Variants in SAMMSON observed in about 807,000 individuals in gnomAD.
SAMMSON encodes long intergenic non-protein coding RNA 1212.
At chr3:70,138,610 G>A (rs2067515649) in intron 4 of SAMMSON, among the ~76,000 whole-genome samples, 1 of 152,114 alleles carries the variant, frequency 6.6e-6, no homozygotes, top group South Asian at 2.1e-4. Context: ...TTCTGCTTTT[G>A]TTCTCCCCAA....
intron 9 of SAMMSON, among the ~76,000 whole-genome samples, chr3:70,379,272 G>A (rs1228786154): frequency 1.3e-5 from 2 of 152,050 alleles, no homozygotes; most frequent in African/African-American, 2.4e-5. Flanking sequence ...TCGGCCTCCC[G>A]AAGTGTACTT....
At chr3:70,293,045 C>CCA (rs1702253903) in intron 7 of SAMMSON, among the ~76,000 whole-genome samples, 1 of 74,820 alleles carries the variant, frequency 1.3e-5, no homozygotes, top group Non-Finnish European at 2.9e-5. Flanking sequence ...TGGTTTGAAG[C>CCA]AAAAAAAAAA....
intron 9 of SAMMSON, among the ~76,000 whole-genome samples, chr3:70,374,361 G>C (rs73837910): frequency 0.041 from 6,299 of 152,146 alleles, 166 homozygotes; most frequent in South Asian, 0.098. Context: ...ACAAATATTT[G>C]AAATACTATA....
At chr3:70,374,140 C>G (rs991225437) in intron 9 of SAMMSON, among the ~76,000 whole-genome samples, 2 of 152,126 alleles carry the variant, frequency 1.3e-5, no homozygotes, top group South Asian at 2.1e-4. Context: ...TCTCAAACTC[C>G]CGACCTCAGG....
At chr3:70,256,927 T>C (rs1184125298) in intron 6 of SAMMSON, among the ~76,000 whole-genome samples, 1 of 152,104 alleles carries the variant, frequency 6.6e-6, no homozygotes, top group Non-Finnish European at 1.5e-5. Flanking sequence ...CCCTGGGAAA[T>C]GGATTATAAT....
At chr3:70,214,272 C>T (rs1056267759) in intron 4 of SAMMSON, among the ~76,000 whole-genome samples, 4 of 152,080 alleles carry the variant, frequency 2.6e-5, no homozygotes, top group Admixed American at 2.0e-4. Context: ...TAAAGACTTT[C>T]AAGTTAAAGT....
chr3:70,176,291 G>A (rs1266485402), intron 4 of SAMMSON, among the ~76,000 whole-genome samples: 2 of 152,064 alleles, frequency 1.3e-5, no homozygotes, highest in African/African-American at 2.4e-5. Context: ...TTGCTCAGGC[G>A]AAACCCAAGA....
intron 4 of SAMMSON, among the ~76,000 whole-genome samples, chr3:70,170,219 TG>T (rs1428462281): frequency 6.6e-6 from 1 of 151,926 alleles, no homozygotes; most frequent in Non-Finnish European, 1.5e-5. Flanking sequence ...ATGGATCTAA[TG>T]AGGATAGACA....
intron 4 of SAMMSON, among the ~76,000 whole-genome samples, chr3:70,201,343 C>T (rs1395324333): frequency 6.6e-6 from 1 of 152,116 alleles, no homozygotes; most frequent in East Asian, 1.9e-4. Flanking sequence ...TGATGGCATC[C>T]AGCTCCATCC....
chr3:70,388,504 T>C (rs116416825), intron 9 of SAMMSON, among the ~76,000 whole-genome samples: 147 of 152,284 alleles, frequency 9.7e-4, no homozygotes, highest in African/African-American at 3.4e-3. Context: ...ATCCAAAAGA[T>C]AATCCAACCC....
At chr3:70,353,854 G>T (rs1702811566) in intron 7 of SAMMSON, among the ~76,000 whole-genome samples, 1 of 152,186 alleles carries the variant, frequency 6.6e-6, no homozygotes, top group Non-Finnish European at 1.5e-5. Flanking sequence ...TAAACAAACT[G>T]TGGTACATCT....
intron 4 of SAMMSON, among the ~76,000 whole-genome samples, chr3:70,234,933 T>C (rs892663590): frequency 6.6e-6 from 1 of 152,186 alleles, no homozygotes; most frequent in South Asian, 2.1e-4. Context: ...CCTCACGGTT[T>C]CCTGATTTAT....
At position 70,212,696 on chromosome 3, in the gene SAMMSON, C is replaced by T. The variant is rs182202344; in HGVS notation, n.508-36411C>T. 1.8e-4 allele frequency among the ~76,000 whole-genome samples: 27 copies of T among 152,192 alleles called. No homozygotes were observed. The East Asian group carries it at 4.5e-3, about 25-fold the overall frequency. On this transcript the variant is annotated intron_variant and non_coding_transcript_variant, in intron 4 of 9. Coordinates refer to ENST00000642114, the Ensembl canonical transcript of SAMMSON. ...ATTATACTTTGGACAATATTCTTCTCGTCATATTAGTCATAAAGAAAGCAA... is the reference window on the plus strand; with the variant it reads ...ATTATACTTTGGACAATATTCTTCTTGTCATATTAGTCATAAAGAAAGCAA...
chr3:70,002,161 C>T (rs906829202), intron 1 of SAMMSON, among the ~76,000 whole-genome samples: 14 of 152,058 alleles, frequency 9.2e-5, no homozygotes, highest in Non-Finnish European at 4.4e-5. Context: ...TCAGAATATA[C>T]GTCTGTATAC....
At chr3:70,139,682 A>AGTG (rs2067519745) in intron 4 of SAMMSON, among the ~76,000 whole-genome samples, 1 of 152,208 alleles carries the variant, frequency 6.6e-6, no homozygotes, top group Non-Finnish European at 1.5e-5. Context: ...GCTGAACAGT[A>AGTG]GTGGCCCCTC....
chr3:70,170,049 A>G (rs192501142), intron 4 of SAMMSON, among the ~76,000 whole-genome samples: 95 of 152,064 alleles, frequency 6.2e-4, no homozygotes, highest in African/African-American at 2.2e-3. Flanking sequence ...GGAAGCAGTT[A>G]TGTGTATTAA....
Position 70,026,207 on chromosome 3 carries a change from T to G in SAMMSON, n.417+12535T>G, listed in dbSNP as rs1346497403. ...GTCATTGGAAGATGATATTTACTGC[T>G]GCTCTCCAGACATTGAATATATTCT... On this transcript the variant is annotated intron_variant and non_coding_transcript_variant, in intron 3 of 9. Coordinates refer to ENST00000642114, the Ensembl canonical transcript of SAMMSON. 4.6e-5 allele frequency among the ~76,000 whole-genome samples: 7 copies of G among 152,228 alleles called. No individual in the cohort carries two copies. In the East Asian group the frequency reaches 1.3e-3, roughly 29 times the overall value.
At chr3:70,304,829 C>T (rs147090896) in intron 7 of SAMMSON, among the ~76,000 whole-genome samples, 1 of 152,280 alleles carries the variant, frequency 6.6e-6, no homozygotes, top group Non-Finnish European at 1.5e-5. Context: ...TATCCAGATT[C>T]CCAACTGACC....
intron 2 of SAMMSON, among the ~76,000 whole-genome samples, chr3:70,430,856 C>A (rs754190597): frequency 1.3e-5 from 2 of 152,028 alleles, no homozygotes; most frequent in African/African-American, 2.4e-5. Context: ...TTATTCTCAG[C>A]CTTAGTTTTT....
Sources: gnomAD v4.1 joint callset for allele counts (sites outside exome capture counted in the v4.1 genomes callset) on GRCh38, gnomAD v4.1.1 for gene constraint, MANE v1.5 for transcripts, NCBI Gene and HGNC (gene_info 2026-07-23, HGNC 2026-07-21) for gene names.